The following TRPA1 variants were observed in gnomAD, a reference collection of about 807,000 sequenced individuals.
The protein encoded by TRPA1 is ankyrin-like with transmembrane domains 1.
A neutral mutation model predicts 131.3 loss-of-function variants in TRPA1; 129 were observed. The ratio of observed to expected loss-of-function variants is 0.98; its 90% CI spans 0.85 to 1.14. The LOEUF (loss-of-function observed/expected upper bound fraction) is 1.14, where lower values mean the gene tolerates loss of function less well. Among genes scored for constraint, TRPA1 ranks in the 50% most tolerant of loss-of-function variants. The probability of loss-of-function intolerance (pLI) is 0.00; values close to 1 mark genes in which losing one functional copy is unlikely to be tolerated. For missense variants in TRPA1, 1,304 were observed against 1,354.2 expected (o/e 0.96, Z 0.58); for synonymous variants, 441 against 451.7 (o/e 0.98, Z 0.30).
At chr8:72,084,007 T>G in the TRPA1 span, among the ~76,000 whole-genome samples, 7 of 152,182 alleles carry the variant, frequency 4.6e-5, no homozygotes, top group Non-Finnish European at 8.8e-5. Flanking sequence ...CATATAATCA[T>G]AGTCACAGAG....
At chr8:72,065,367 T>C in intron 4 of TRPA1, 84 bp downstream of exon 4, 2 of 1,247,694 alleles carry the variant, frequency 1.6e-6, no homozygotes, top group Non-Finnish European at 1.1e-6. Context: ...GGAGAAAAAC[T>C]TAAGAGATTT....
At position 72,033,658 on chromosome 8, in the gene TRPA1, G is replaced by A; in HGVS notation, c.2854C>T (p.Leu952Phe). ...AAACTACTTACAAGTAAATTCATGA[G>A]GACAATTGGGACAAATATTGTGAAG... Reference protein sequence around the residue: ...VSFTIFVPIVLMNLLIGLAVG... With the variant: ...VSFTIFVPIVFMNLLIGLAVG... Residue 952 changes from leucine to phenylalanine, a missense_variant, in exon 23 of 27, where the codon CTC becomes TTC. Leu to Phe is a conservative substitution (Grantham distance 22). Coordinates refer to ENST00000262209, the MANE Select transcript of TRPA1 (RefSeq NM_007332.3). 2.5e-6 allele frequency: 4 copies of A among 1,613,658 alleles called. No homozygotes were observed. The highest frequency in any genetic ancestry group is 3.4e-6 in the Non-Finnish European group (4 of 1,179,758).
At chr8:72,031,691 T>G (rs1353947200) in intron 23 of TRPA1, among the ~76,000 whole-genome samples, 1 of 152,174 alleles carries the variant, frequency 6.6e-6, no homozygotes, top group Non-Finnish European at 1.5e-5. Context: ...TTAGATACAT[T>G]TTTGGGCTCT....
chr8:72,034,621 G>A (rs996345249), intron 21 of TRPA1, among the ~76,000 whole-genome samples: 1 of 152,042 alleles, frequency 6.6e-6, no homozygotes, highest in African/African-American at 2.4e-5. Context: ...TGGATACAGG[G>A]TCTTGCTTTG....
In TRPA1 at chr8:72,057,739, A is replaced by G. The variant is rs776293966; in HGVS notation, c.1071T>C (p.Ile357=). 2.5e-6 allele frequency: 4 copies of G among 1,613,760 alleles called. No homozygotes were observed. The highest frequency in any genetic ancestry group is 1.7e-5 in the Admixed American group (1 of 59,962). ...TACCTTTAGAGAGTAGCAAATTTAC[A>G]ATATTCCAAGATGCAGAAGCAGTTG... is the stretch of plus-strand genomic sequence containing the variant. The part of the protein sequence containing the change: ...ILATASASWN[I]VNLLLSKGAQ... The change falls in exon 9 of 27, where the codon ATT becomes ATC. Residue 357 remains isoleucine (I), a synonymous_variant. Transcript: ENST00000262209.
At chr8:72,024,219 C>T (rs777979564) in intron 25 of TRPA1, among the ~76,000 whole-genome samples, 8 of 152,266 alleles carry the variant, frequency 5.3e-5, no homozygotes, top group South Asian at 2.1e-4. Flanking sequence ...ATGCCCATCA[C>T]GGAAGGTGGT....
At chr8:72,033,875 A>G in intron 22 of TRPA1, 49 bp from the exon 23 acceptor site, 1 of 1,558,764 alleles carries the variant, frequency 6.4e-7, no homozygotes, top group Non-Finnish European at 8.8e-7. Context: ...TTCTACAATG[A>G]AAAAGTGTTT....
At chr8:72,073,916 C>G (rs1325526094) in intron 1 of TRPA1, among the ~76,000 whole-genome samples, 1 of 152,178 alleles carries the variant, frequency 6.6e-6, no homozygotes, top group Non-Finnish European at 1.5e-5. Flanking sequence ...TGTGGCCAAA[C>G]CGGACATGTC....
chr8:72,064,849 TCA>T (rs1805894521), intron 4 of TRPA1, among the ~76,000 whole-genome samples: 1 of 15,556 alleles, frequency 6.4e-5, no homozygotes, highest in Non-Finnish European at 8.9e-5. Context: ...ATCATCTCCA[TCA>T]TCTCCATCAT....
At chr8:72,028,144 C>T (rs1371502618) in intron 24 of TRPA1, among the ~76,000 whole-genome samples, 1 of 152,168 alleles carries the variant, frequency 6.6e-6, no homozygotes, top group South Asian at 2.1e-4. Context: ...ATTAGCTTTT[C>T]CTGCCTTCAA....
chr8:72,031,463 A>T (rs1378074023), intron 23 of TRPA1, among the ~76,000 whole-genome samples: 4 of 152,078 alleles, frequency 2.6e-5, no homozygotes, highest in Admixed American at 2.6e-4. Flanking sequence ...CTGTAGTTAC[A>T]GCTTCTGGGT....
At position 72,075,323 on chromosome 8, in the gene TRPA1, C is replaced by T. The variant is rs781262729; in HGVS notation, c.87G>A (p.Thr29=). ...GVVYEDVPDD[T]EDFKESLKVV... is the part of the protein sequence containing the mutation. ...CCTTAAGCGATTCCTTGAAATCCTC[C>T]GTGTCGTCCGGCACATCCTCATAGA... The change falls in exon 1 of 27, where the codon ACG becomes ACA. Residue 29 remains threonine, a synonymous_variant. Transcript: ENST00000262209. The T allele has an allele frequency of 3.1e-6, 5 of 1,613,462 alleles. No individual in the cohort carries two copies. The highest frequency in any genetic ancestry group is 2.2e-5 in the East Asian group (1 of 44,878).
chr8:72,071,773 T>A lies in TRPA1; in HGVS notation c.206A>T (p.Tyr69Phe). 1 of 1,613,720 alleles carries A rather than the reference T, an allele frequency of 6.2e-7. No homozygotes were observed. Among genetic ancestry groups the A allele is most frequent in the Non-Finnish European group, 8.5e-7 (1 of 1,179,792 alleles). Reference sequence around the variant, plus strand: ...CTCAATTTGGCCTTCTGCTGCAGCATAATGCAAGAAGAAGGTGTCCATATC... The same window carrying A: ...CTCAATTTGGCCTTCTGCTGCAGCAAAATGCAAGAAGAAGGTGTCCATATC... Reference protein sequence around the residue: ...CDDMDTFFLHYAAAEGQIELM... With the variant: ...CDDMDTFFLHFAAAEGQIELM... The change falls in exon 2 of 27, where the codon TAT (tyrosine) becomes TTT (phenylalanine). Residue 69 changes from tyrosine to phenylalanine, a missense_variant. Coordinates refer to ENST00000262209, the MANE Select transcript of TRPA1 (RefSeq NM_007332.3).
At chr8:72,065,750 A>C (rs1187852515) in intron 3 of TRPA1, among the ~76,000 whole-genome samples, 192 bp from the exon 4 acceptor site, 2 of 152,218 alleles carry the variant, frequency 1.3e-5, no homozygotes, top group Non-Finnish European at 2.9e-5. Context: ...TAGATGAAAT[A>C]ATCATGATTT....
intron 12 of TRPA1, chr8:72,054,387 T>G (rs546067328): frequency 6.5e-6 from 1 of 154,686 alleles, no homozygotes; most frequent in East Asian, 1.9e-4. Flanking sequence ...AAAGCTTCCC[T>G]CTTGTGCTCT....
rs1047303789 is a variant in TRPA1, at chr8:72,022,542, T to C, written c.*364A>G. The C allele has an allele frequency of 2.0e-5, 7 of 355,658 alleles. No individual in the cohort carries two copies. Among genetic ancestry groups the C allele is most frequent in the African/African-American group, 6.4e-5 (3 of 47,178 alleles). 22.0% of individuals were successfully genotyped at this position (355,658 alleles called of 1,614,324 possible). A position where few individuals can be genotyped will look rare whatever the true frequency, so the allele number is the denominator to read the frequency against. On this transcript the variant is annotated 3_prime_UTR_variant, in exon 27 of 27. Transcript: ENST00000262209. ...TCTAGAGCATCACATATTATGTAAT[T>C]AACAAGCAGGAATTCAGTACTGACA...
chr8:72,075,158 G>A, intron 1 of TRPA1, 141 bp downstream of exon 1: 1 of 693,460 alleles, frequency 1.4e-6, no homozygotes, highest in Non-Finnish European at 2.6e-6. Flanking sequence ...CATTAGTAGG[G>A]TCACCTCTTG....
At chr8:72,059,027 C>A (rs908346850) in intron 8 of TRPA1, among the ~76,000 whole-genome samples, 2 of 152,202 alleles carry the variant, frequency 1.3e-5, no homozygotes, top group African/African-American at 4.8e-5. Flanking sequence ...GCCTGTCCTG[C>A]CTCCACCTTA....
In TRPA1 at chr8:72,044,703, T is replaced by C. The variant is rs571700165; in HGVS notation, c.2061+1810A>G. Among the ~76,000 whole-genome samples, 66 of 152,082 alleles carry C rather than the reference T, an allele frequency of 4.3e-4. 1 individual carries two copies. Among genetic ancestry groups the C allele is most frequent in the East Asian group, 4.1e-3 (21 of 5,172 alleles). ...GTGTCTGATTTCTTATGTTCTCTAT[T>C]TGGTGCATCTAGACTTTCAAATTTT... On this transcript the variant is annotated intron_variant, in intron 17 of 26. Transcript: ENST00000262209.
Sources: allele counts gnomAD v4.1 joint callset (sites outside exome capture counted in the v4.1 genomes callset), GRCh38; gene constraint gnomAD v4.1.1; transcripts MANE v1.5; gene names NCBI Gene and HGNC (gene_info 2026-07-23, HGNC 2026-07-21).